TSPAN5: variants seen among roughly 807,000 people sequenced by gnomAD.
TSPAN5 encodes the protein tetraspanin 5.
Under a neutral mutation model 37.1 loss-of-function variants are expected in TSPAN5, and 10 were observed. That is an observed-to-expected ratio of 0.27 (90% CI 0.17 to 0.46). The LOEUF (loss-of-function observed/expected upper bound fraction) is 0.46, where lower values mean the gene tolerates loss of function less well. Among genes scored for constraint, TSPAN5 ranks in the 20% least tolerant of loss-of-function variants. The pLI, the probability that TSPAN5 is intolerant of heterozygous loss-of-function variation, is 1.00. For missense variants in TSPAN5, 195 were observed against 326.6 expected, an observed-to-expected ratio of 0.60 and a Z score of 3.11; for synonymous variants, 110 against 118.9, an observed-to-expected ratio of 0.93 and a Z score of 0.48.
chr4:98,633,843 G>A (rs1382493511), intron 1 of TSPAN5, among the ~76,000 whole-genome samples: 1 of 152,152 alleles, frequency 6.6e-6, no homozygotes, highest in Non-Finnish European at 1.5e-5. Context: ...AGTTTGGGAG[G>A]CCGAGACGGG....
chr4:98,635,742 T>A (rs1463672554), intron 1 of TSPAN5, among the ~76,000 whole-genome samples: 4 of 152,194 alleles, frequency 2.6e-5, no homozygotes, highest in Non-Finnish European at 5.9e-5. Flanking sequence ...GCTGAGAGCG[T>A]TCCACAGCCC....
intron 1 of TSPAN5, among the ~76,000 whole-genome samples, chr4:98,612,308 G>A (rs78668717): frequency 6.5e-4 from 99 of 152,240 alleles, no homozygotes; most frequent in African/African-American, 2.3e-3. Context: ...AAGGGTTGTA[G>A]GTGAATGAAG....
intron 1 of TSPAN5, among the ~76,000 whole-genome samples, chr4:98,543,005 G>A (rs1754393684): frequency 6.6e-6 from 1 of 152,080 alleles, no homozygotes; most frequent in South Asian, 2.1e-4. Context: ...AACATTCCTA[G>A]TACTCAAAAT....
At chr4:98,565,666 T>A (rs535614782) in intron 1 of TSPAN5, among the ~76,000 whole-genome samples, 1 of 152,222 alleles carries the variant, frequency 6.6e-6, no homozygotes, top group African/African-American at 2.4e-5. Flanking sequence ...ATACTTGTTA[T>A]GGGGACCAAA....
intron 1 of TSPAN5, among the ~76,000 whole-genome samples, chr4:98,644,120 ATTT>A (rs1223410497): frequency 6.7e-6 from 1 of 148,986 alleles, no homozygotes; most frequent in South Asian, 2.1e-4. Flanking sequence ...TTATTGATTT[ATTT>A]TTTTTTTCTG....
chr4:98,607,505 A>C (rs1385445576), intron 1 of TSPAN5, among the ~76,000 whole-genome samples: 2 of 152,170 alleles, frequency 1.3e-5, no homozygotes, highest in Non-Finnish European at 2.9e-5. Context: ...AGCTCATTAT[A>C]AATGTAATGC....
At chr4:98,539,512 G>A (rs1754313616) in intron 1 of TSPAN5, among the ~76,000 whole-genome samples, 1 of 152,086 alleles carries the variant, frequency 6.6e-6, no homozygotes, top group South Asian at 2.1e-4. Context: ...CCTCTAGAAT[G>A]AGAAAGGAAT....
intron 1 of TSPAN5, among the ~76,000 whole-genome samples, chr4:98,617,734 C>T (rs1434319650): frequency 6.6e-6 from 1 of 152,184 alleles, no homozygotes; most frequent in Non-Finnish European, 1.5e-5. Flanking sequence ...TTGTACCACA[C>T]ACAATCACCT....
chr4:98,491,132 T>C (rs1038298880), intron 2 of TSPAN5, among the ~76,000 whole-genome samples: 22 of 152,330 alleles, frequency 1.4e-4, no homozygotes, highest in African/African-American at 4.8e-4. Context: ...AATAGTGGAA[T>C]GACTAAATCT....
intron 1 of TSPAN5, among the ~76,000 whole-genome samples, chr4:98,530,271 T>C (rs187776060): frequency 6.6e-6 from 1 of 152,220 alleles, no homozygotes; most frequent in African/African-American, 2.4e-5. Flanking sequence ...AAATGTCCCC[T>C]AGACACTGAG....
At chr4:98,607,609 C>T (rs1756067504) in intron 1 of TSPAN5, among the ~76,000 whole-genome samples, 1 of 152,060 alleles carries the variant, frequency 6.6e-6, no homozygotes, top group African/African-American at 2.4e-5. Context: ...AGTCCTATTG[C>T]CTACATATAC....
At chr4:98,589,884 CT>C (rs1225154757) in intron 1 of TSPAN5, among the ~76,000 whole-genome samples, 1 of 152,108 alleles carries the variant, frequency 6.6e-6, no homozygotes, top group Non-Finnish European at 1.5e-5. Context: ...TTTTTCTCCC[CT>C]TTTTCTCTTT....
intron 1 of TSPAN5, among the ~76,000 whole-genome samples, chr4:98,508,434 G>A (rs1178832739): frequency 6.6e-6 from 1 of 151,654 alleles, no homozygotes; most frequent in African/African-American, 2.4e-5. Flanking sequence ...AAATCTCACC[G>A]TTCTGTCAAT....
chr4:98,495,630 C>G (rs1753190034), intron 2 of TSPAN5, among the ~76,000 whole-genome samples: 1 of 152,008 alleles, frequency 6.6e-6, no homozygotes, highest in African/African-American at 2.4e-5. Flanking sequence ...CAGCTTCTTC[C>G]CCATGCTTCT....
chr4:98,634,682 G>A (rs1254702832), intron 1 of TSPAN5, among the ~76,000 whole-genome samples: 1 of 152,082 alleles, frequency 6.6e-6, no homozygotes, highest in African/African-American at 2.4e-5. Flanking sequence ...CTGAAAAAAG[G>A]GTTCCAGGAG....
At chr4:98,525,595 G>A (rs934621026) in intron 1 of TSPAN5, among the ~76,000 whole-genome samples, 4 of 151,940 alleles carry the variant, frequency 2.6e-5, no homozygotes, top group African/African-American at 9.7e-5. Context: ...TCTTGTTTTC[G>A]AGACAGAGTC....
At chr4:98,655,050 T>C (rs986100789) in intron 1 of TSPAN5, among the ~76,000 whole-genome samples, 1 of 152,198 alleles carries the variant, frequency 6.6e-6, no homozygotes, top group Non-Finnish European at 1.5e-5. Flanking sequence ...TTTCACCATG[T>C]TGGCCAGGAT....
chr4:98,618,261 C>CA (rs5860543), intron 1 of TSPAN5, among the ~76,000 whole-genome samples: 95 of 148,704 alleles, frequency 6.4e-4, no homozygotes, highest in Admixed American at 1.2e-3. Flanking sequence ...AAATGCTTTT[C>CA]AAAAAAAAAA....
rs375701247 is a variant in TSPAN5 at position 98,610,779 on chromosome 4, C to A, written c.81+47367G>T. The stretch of plus-strand genomic sequence containing the variant: ...CAACTCACTTAGGGCTGCTCACCCA[C>A]CCTAAGGCTGTTCAGGGAGGAACGA... On this transcript the variant is annotated intron_variant, in intron 1 of 7. Transcript: ENST00000305798. Among the ~76,000 whole-genome samples, 32 of 152,254 alleles carry A rather than the reference C, an allele frequency of 2.1e-4. 1 individual carries two copies. The highest frequency in any genetic ancestry group is 7.5e-4 in the African/African-American group (31 of 41,550).
Sources: allele counts gnomAD v4.1 joint callset (sites outside exome capture counted in the v4.1 genomes callset), GRCh38; gene constraint gnomAD v4.1.1; transcripts MANE v1.5; gene names NCBI Gene and HGNC (gene_info 2026-07-23, HGNC 2026-07-21).